LMBRD1: variants seen among roughly 807,000 people sequenced by gnomAD.
LMBRD1 encodes the protein lysosomal cobalamin transport escort protein LMBD1.
In LMBRD1, 64 loss-of-function variants were observed where a neutral mutation model predicts 74.8. The ratio of observed to expected loss-of-function variants is 0.86; its 90% CI spans 0.70 to 1.05. LMBRD1 has a LOEUF of 1.05. LMBRD1 is among the 50% of genes least tolerant of loss of function. The pLI is 0.00. For synonymous variants in LMBRD1, 204 were observed against 216.3 expected (o/e 0.94, Z 0.50); for missense variants, 652 against 645.9 (o/e 1.01, Z -0.10).
chr6:69,717,207 G>A (rs1317155523), intron 8 of LMBRD1, among the ~76,000 whole-genome samples: 2 of 151,984 alleles, frequency 1.3e-5, no homozygotes, highest in Non-Finnish European at 2.9e-5. Flanking sequence ...ACTCTTATTA[G>A]TTCTACTAGT....
intron 14 of LMBRD1, among the ~76,000 whole-genome samples, chr6:69,684,877 T>C (rs1765731340): frequency 2.6e-5 from 4 of 152,136 alleles, no homozygotes; most frequent in Non-Finnish European, 1.5e-5. Flanking sequence ...CTAGAAAATA[T>C]TAGGCATACT....
At chr6:69,754,966 T>C (rs531364015) in intron 3 of LMBRD1, among the ~76,000 whole-genome samples, 1 of 152,324 alleles carries the variant, frequency 6.6e-6, no homozygotes, top group East Asian at 1.9e-4. Flanking sequence ...AGAGGAATGC[T>C]TTTACACTGT....
At chr6:69,723,163 C>A (rs1047157644) in intron 7 of LMBRD1, among the ~76,000 whole-genome samples, 2 of 152,058 alleles carry the variant, frequency 1.3e-5, no homozygotes, top group African/African-American at 4.8e-5. Context: ...CTGGAGCACC[C>A]AGATATATAA....
intron 7 of LMBRD1, among the ~76,000 whole-genome samples, chr6:69,728,284 A>T (rs1766779564): frequency 6.6e-6 from 1 of 152,150 alleles, no homozygotes. Context: ...TACCCCGATG[A>T]TCCAATCACT....
chr6:69,724,286 G>A (rs1172923276), intron 7 of LMBRD1, among the ~76,000 whole-genome samples: 1 of 147,842 alleles, frequency 6.8e-6, no homozygotes, highest in South Asian at 2.2e-4. Context: ...AAAATACGGA[G>A]GAGGAGGAAA....
chr6:69,717,381 T>C (rs1766514750), intron 8 of LMBRD1, among the ~76,000 whole-genome samples: 1 of 152,154 alleles, frequency 6.6e-6, no homozygotes. Flanking sequence ...GATACTAACA[T>C]TACTCCTATA....
chr6:69,731,958 T>C (rs1477312675), intron 7 of LMBRD1, among the ~76,000 whole-genome samples: 2 of 152,090 alleles, frequency 1.3e-5, no homozygotes, highest in Non-Finnish European at 2.9e-5. Context: ...CCAACAAATC[T>C]CACTCACTAA....
intron 9 of LMBRD1, among the ~76,000 whole-genome samples, chr6:69,702,211 T>C (rs1302394594): frequency 1.3e-5 from 2 of 151,874 alleles, no homozygotes; most frequent in African/African-American, 2.4e-5. Flanking sequence ...ATGAAACTCT[T>C]TGTTAGACCA....
chr6:69,730,822 A>G (rs1562102532), intron 7 of LMBRD1, among the ~76,000 whole-genome samples: 1 of 152,152 alleles, frequency 6.6e-6, no homozygotes, highest in Non-Finnish European at 1.5e-5. Flanking sequence ...CAAGTGCTTC[A>G]TAAGCTTAAG....
At chr6:69,745,991 CT>C in intron 5 of LMBRD1, 1 of 225,078 alleles carries the variant, frequency 4.4e-6, no homozygotes. Context: ...GTGACCTTCA[CT>C]ACACGGCCTA....
Position 69,676,050 on chromosome 6 carries a change from C to T in LMBRD1, c.*108G>A, listed in dbSNP as rs956312718. 6 of 812,296 alleles carry T rather than the reference C, an allele frequency of 7.4e-6. No individual in the cohort carries two copies. The highest frequency in any genetic ancestry group is 1.1e-5 in the Non-Finnish European group (5 of 474,076). 50.3% of individuals were successfully genotyped at this position (812,296 alleles called of 1,614,324 possible). A position where few individuals can be genotyped will look rare whatever the true frequency, so the allele number is the denominator to read the frequency against. On this transcript the variant is annotated 3_prime_UTR_variant, in exon 16 of 16. Transcript: ENST00000649934. ...AATATAGTTGTCTTATAGCCATGCTCCCATTTTTGATGAAAGCTAGTTAGC... is the reference window on the plus strand; with the variant it reads ...AATATAGTTGTCTTATAGCCATGCTTCCATTTTTGATGAAAGCTAGTTAGC...
chr6:69,695,692 C>T (rs1192527189), intron 14 of LMBRD1, among the ~76,000 whole-genome samples: 1 of 151,834 alleles, frequency 6.6e-6, no homozygotes, highest in Non-Finnish European at 1.5e-5. Context: ...TTATTTCTGA[C>T]CCAAAGTTGG....
chr6:69,676,352 A>C, intron 15 of LMBRD1, 81 bp from the exon 16 acceptor site: 2 of 1,577,574 alleles, frequency 1.3e-6, no homozygotes, highest in Non-Finnish European at 1.7e-6. Flanking sequence ...CAATGACAGT[A>C]CTATGATACA....
At chr6:69,780,953 G>C (rs61572016) in intron 2 of LMBRD1, among the ~76,000 whole-genome samples, 17,484 of 152,130 alleles carry the variant, frequency 0.11, 2,824 homozygotes, top group African/African-American at 0.36. Context: ...TTGAGCTTTT[G>C]GAAAGGTAAG....
At chr6:69,748,367 C>G (rs1235128521) in intron 5 of LMBRD1, among the ~76,000 whole-genome samples, 1 of 152,068 alleles carries the variant, frequency 6.6e-6, no homozygotes, top group African/African-American at 2.4e-5. Context: ...TAGAAATATA[C>G]TCCAGAGCTA....
rs969727502 is a variant in LMBRD1, at chr6:69,742,966, GA to G, written c.474-1090del. On this transcript the variant is annotated intron_variant, in intron 5 of 15. Coordinates refer to ENST00000649934, the MANE Select transcript of LMBRD1 (RefSeq NM_018368.4). ...AGAGACTTATTTCTCACCACTTTTA[GA>G]AAAAAAAAAGTGCTTACAGGCATAG... Among the ~76,000 whole-genome samples, 234 of 146,046 alleles carry G rather than the reference GA, an allele frequency of 1.6e-3. 1 individual carries two copies. Among genetic ancestry groups the G allele is most frequent in the African/African-American group, 5.6e-3 (222 of 39,882 alleles).
intron 7 of LMBRD1, among the ~76,000 whole-genome samples, chr6:69,731,713 T>C (rs1766862247): frequency 6.6e-6 from 1 of 152,182 alleles, no homozygotes; most frequent in Admixed American, 6.5e-5. Flanking sequence ...AACTAAGCTA[T>C]GATATTCAGT....
chr6:69,690,784 A>T (rs2149839140), intron 14 of LMBRD1, among the ~76,000 whole-genome samples: 1 of 152,250 alleles, frequency 6.6e-6, no homozygotes, highest in South Asian at 2.1e-4. Context: ...TTAAGAAAAA[A>T]ATTCCAAACC....
chr6:69,730,430 C>G (rs184514118), intron 7 of LMBRD1, among the ~76,000 whole-genome samples: 1 of 152,188 alleles, frequency 6.6e-6, no homozygotes, highest in Admixed American at 6.5e-5. Context: ...GTACTCAAGA[C>G]TTTCCTTTTA....
Sources: gnomAD v4.1 joint callset for allele counts (sites outside exome capture counted in the v4.1 genomes callset) on GRCh38, gnomAD v4.1.1 for gene constraint, MANE v1.5 for transcripts, NCBI Gene and HGNC (gene_info 2026-07-23, HGNC 2026-07-21) for gene names.